The following DPYSL2 variants were observed in gnomAD, a reference collection of about 807,000 sequenced individuals.
The protein encoded by DPYSL2 is dihydropyrimidinase like 2, also known as dihydropyrimidinase-related protein 2.
A neutral mutation model predicts 69.9 loss-of-function variants in DPYSL2; 13 were observed. That is an observed-to-expected ratio of 0.19 (90% confidence interval 0.12 to 0.30). The LOEUF is 0.30. Among genes scored for constraint, DPYSL2 ranks in the 10% least tolerant of loss-of-function variants. The probability of loss-of-function intolerance (pLI) is 1.00; values close to 1 mark genes in which losing one functional copy is unlikely to be tolerated. For synonymous variants in DPYSL2, 326 were observed against 359.1 expected, an observed-to-expected ratio of 0.91 and a Z score of 1.04; for missense variants, 587 against 918.9, an observed-to-expected ratio of 0.64 and a Z score of 4.67.
rs1382124788 is a variant in DPYSL2 at position 26,514,402 on chromosome 8, G to A, written c.77G>A (p.Gly26Asp). 1 of 1,516,350 alleles carries A rather than the reference G, an allele frequency of 6.6e-7. No homozygotes were observed. The highest frequency in any genetic ancestry group is 8.8e-7 in the Non-Finnish European group (1 of 1,138,634). 93.9% of individuals were successfully genotyped at this position (1,516,350 alleles called of 1,614,324 possible). A position where few individuals can be genotyped will look rare whatever the true frequency, so the allele number is the denominator to read the frequency against. ...VPAFFKNLGS[G>D]SPKPRQKFCG... ...GCTTTTTTTAAAAACCTGGGCTCCG[G>A]CAGCCCCAAGCCCCGGCAGAAATTC... Residue 26 changes from glycine to aspartate, a missense_variant, in exon 1 of 14, where the codon GGC becomes GAC. Physicochemically the swap from Gly to Asp is moderately conservative, Grantham distance 94. Around this residue, in one of 3 missense-constraint regions of DPYSL2, gnomAD observed 50 missense variants for 86.8 expected, o/e 0.58. Transcript: ENST00000521913. The surrounding 1 kb of genome is among the most constrained non-coding windows in gnomAD (Gnocchi z 8.4).
rs73226184 is a variant in DPYSL2 at position 26,617,807 on chromosome 8, C to T, written c.629-6336C>T. On this transcript the variant is annotated intron_variant, in intron 3 of 13. Transcript: ENST00000521913. The surrounding 1 kb of genome is among the most constrained non-coding windows in gnomAD (Gnocchi z 4.7). ...TCCTGAATAAACAAATCTATGGAGA[C>T]GGGAAGTAGATTGATGGTGGCCAGG... 0.066 allele frequency among the ~76,000 whole-genome samples: 10,004 copies of T among 151,996 alleles called. 371 individuals carry two copies. Among genetic ancestry groups the T allele is most frequent in the East Asian group, 0.09 (464 of 5,164 alleles).
At position 26,514,128 on chromosome 8, in the gene DPYSL2, G is replaced by A; in HGVS notation, c.-198G>A. On this transcript the variant is annotated 5_prime_UTR_variant, in exon 1 of 14. Transcript: ENST00000521913. The surrounding 1 kb of genome is among the most constrained non-coding windows in gnomAD (Gnocchi z 8.4). Reference sequence around the variant, plus strand: ...GCCGCGGGGGGCGTGGGCAGGGAGGGGAGAAGCGGGGTCAGGGGGAGGGAC... The same window carrying A: ...GCCGCGGGGGGCGTGGGCAGGGAGGAGAGAAGCGGGGTCAGGGGGAGGGAC... The A allele has an allele frequency of 4.8e-6, 2 of 416,844 alleles. No homozygotes were observed. Among genetic ancestry groups the A allele is most frequent in the Non-Finnish European group, 8.3e-6 (2 of 241,902 alleles). 25.8% of individuals were successfully genotyped at this position (416,844 alleles called of 1,614,324 possible).
At chr8:26,637,587 T>C (rs1802949111) in intron 8 of DPYSL2, 1 of 152,220 alleles carries the variant, frequency 6.6e-6, no homozygotes, top group African/African-American at 2.4e-5. Flanking sequence ...AGAATCCTGA[T>C]TGAAACAGTG....
intron 3 of DPYSL2, among the ~76,000 whole-genome samples, chr8:26,602,940 A>G (rs1802024089): frequency 6.6e-6 from 1 of 152,200 alleles, no homozygotes; most frequent in Admixed American, 6.5e-5. Flanking sequence ...AGCCGGCTCA[A>G]ATTTTACCCT....
intron 1 of DPYSL2, chr8:26,577,341 C>G (rs1801373539): frequency 4.8e-6 from 1 of 210,222 alleles, no homozygotes. Context: ...CCGTTCCAGT[C>G]CTCAGCCGCG....
rs566101010 is a variant in DPYSL2 at position 26,543,764 on chromosome 8, G to A, written c.354+29085G>A. Among the ~76,000 whole-genome samples the A allele has an allele frequency of 3.9e-5, 6 of 152,354 alleles. No individual in the cohort carries two copies. The East Asian group carries it at 1.2e-3, about 29-fold the overall frequency. On this transcript the variant is annotated intron_variant, in intron 1 of 13. Transcript: ENST00000521913. ...GGCCTCCCAAAGTGCTGGGATTACA[G>A]GCGTGAGCCACCGCGCCTGGCCACT... is the stretch of plus-strand genomic sequence containing the variant.
Position 26,656,047 on chromosome 8 carries a change from G to A in DPYSL2, c.*341G>A, listed in dbSNP as rs1803381672. The A allele has an allele frequency of 8.8e-6, 2 of 228,494 alleles. No homozygotes were observed. The highest frequency in any genetic ancestry group is 8.6e-5 in the East Asian group (1 of 11,694). 14.2% of individuals were successfully genotyped at this position (228,494 alleles called of 1,614,324 possible). A position where few individuals can be genotyped will look rare whatever the true frequency, so the allele number is the denominator to read the frequency against. On this transcript the variant is annotated 3_prime_UTR_variant, in exon 14 of 14. Transcript: ENST00000521913. ...GCCTTCAACCTCCTAGTGTCTGTTA[G>A]CATCTTCCTTTTCATGGGGGGAGGG... is the stretch of plus-strand genomic sequence containing the variant.
In DPYSL2 at chr8:26,573,023, A is replaced by T. The variant is rs76693214; in HGVS notation, c.355-8946A>T. Among the ~76,000 whole-genome samples, 468 of 152,314 alleles carry T rather than the reference A, an allele frequency of 3.1e-3. 2 individuals carry two copies. Among genetic ancestry groups the T allele is most frequent in the African/African-American group, 0.01 (420 of 41,558 alleles). On this transcript the variant is annotated intron_variant, in intron 1 of 13. Coordinates refer to ENST00000521913, the MANE Select transcript of DPYSL2 (RefSeq NM_001197293.3). ...AAAATTACTAGAGACACCTTGTATG[A>T]CTTCGACCTTCATTTTAGGATTGGG...
intron 1 of DPYSL2, among the ~76,000 whole-genome samples, chr8:26,576,383 C>T (rs914751007): frequency 1.3e-5 from 2 of 151,950 alleles, no homozygotes; most frequent in African/African-American, 4.8e-5. Flanking sequence ...ACCCCCCAGC[C>T]CATGATTACG....
At chr8:26,638,409 C>T (rs1455528083) in intron 8 of DPYSL2, among the ~76,000 whole-genome samples, 1 of 152,196 alleles carries the variant, frequency 6.6e-6, no homozygotes, top group Non-Finnish European at 1.5e-5. Context: ...TCCACATGAA[C>T]CTCCCCAGCC....
rs1801733164 is a variant in DPYSL2 at position 26,591,817 on chromosome 8, G to T, written c.628+7834G>T. Among the ~76,000 whole-genome samples the T allele has an allele frequency of 6.6e-6, 1 of 152,126 alleles. No homozygotes were observed. The stretch of plus-strand genomic sequence containing the variant: ...AATCCCAGAGCTTGGGGAAGCACAG[G>T]ATGGAAACCAACCCATCCTGGCACT... On this transcript the variant is annotated intron_variant, in intron 3 of 13. Coordinates refer to ENST00000521913, the MANE Select transcript of DPYSL2 (RefSeq NM_001197293.3). This position sits in a 1 kb window ranked among gnomAD's most constrained non-coding sequence, Gnocchi z 5.8.
rs190137864 is a variant in DPYSL2, at chr8:26,570,524, G to C, written c.355-11445G>C. On this transcript the variant is annotated intron_variant, in intron 1 of 13. Coordinates refer to ENST00000521913, the MANE Select transcript of DPYSL2 (RefSeq NM_001197293.3). ...GAGGCTGAGGTGGGCAGATCACGAG[G>C]TCAGGAGTTCGAGACCAGCCTGGCC... Among the ~76,000 whole-genome samples the C allele has an allele frequency of 4.6e-5, 7 of 152,138 alleles. No individual in the cohort carries two copies. The East Asian group carries it at 1.4e-3, about 29-fold the overall frequency.
intron 3 of DPYSL2, among the ~76,000 whole-genome samples, chr8:26,599,410 T>G (rs1801941759): frequency 6.6e-6 from 1 of 152,204 alleles, no homozygotes; most frequent in Non-Finnish European, 1.5e-5. Context: ...ATGTATTAGC[T>G]TGGCTCTTTC....
chr8:26,639,805 C>T (rs146204950), intron 8 of DPYSL2, among the ~76,000 whole-genome samples: 96 of 152,266 alleles, frequency 6.3e-4, no homozygotes, highest in African/African-American at 2.2e-3. Context: ...GCCCTGTACT[C>T]TCCTCTTTTT....
At chr8:26,578,130 G>C (rs757523704) in intron 1 of DPYSL2, 132 of 1,564,150 alleles carry the variant, frequency 8.4e-5, no homozygotes, top group Non-Finnish European at 1.1e-4. Flanking sequence ...CCAGCGAAGC[G>C]GTTGCACCCT....
At chr8:26,611,607 C>T (rs1802230228) in intron 3 of DPYSL2, among the ~76,000 whole-genome samples, 2 of 152,164 alleles carry the variant, frequency 1.3e-5, no homozygotes, top group Non-Finnish European at 2.9e-5. Context: ...TGTCTAATTA[C>T]AGGAAACAGA....
intron 4 of DPYSL2, among the ~76,000 whole-genome samples, chr8:26,625,351 A>G (rs1485532325): frequency 6.6e-6 from 1 of 152,226 alleles, no homozygotes. Flanking sequence ...CGGAGACTCC[A>G]AGTGGTTTAA....
intron 1 of DPYSL2, among the ~76,000 whole-genome samples, chr8:26,529,645 GT>G (rs1800466042): frequency 6.6e-6 from 1 of 150,782 alleles, no homozygotes. Flanking sequence ...CTTGATGCAT[GT>G]TCAGAGTTAT....
At position 26,627,330 on chromosome 8, in the gene DPYSL2, C is replaced by T; in HGVS notation, c.936+35C>T. The T allele has an allele frequency of 6.2e-7, 1 of 1,606,220 alleles. No individual in the cohort carries two copies. The highest frequency in any genetic ancestry group is 8.5e-7 in the Non-Finnish European group (1 of 1,173,016). On this transcript the variant is annotated intron_variant, in intron 6 of 13. Coordinates refer to ENST00000521913, the MANE Select transcript of DPYSL2 (RefSeq NM_001197293.3). This position sits in a 1 kb window ranked among gnomAD's most constrained non-coding sequence, Gnocchi z 6.9. ...TTTCTTTTTCGTCATTTCTTCATCACCTGGAGGGTGAGAGGCAGGCTCAAG... is the reference window on the plus strand; with the variant it reads ...TTTCTTTTTCGTCATTTCTTCATCATCTGGAGGGTGAGAGGCAGGCTCAAG...
Sources: allele counts gnomAD v4.1 joint callset (sites outside exome capture counted in the v4.1 genomes callset), GRCh38; gene constraint gnomAD v4.1.1; regional missense constraint gnomAD v4.1.1; non-coding constraint Gnocchi (gnomAD v3.1); transcripts MANE v1.5; gene names NCBI Gene and HGNC (gene_info 2026-07-23, HGNC 2026-07-21).